DMRT1: variants seen among roughly 807,000 people sequenced by gnomAD.
DMRT1 encodes the protein doublesex- and mab-3-related transcription factor 1.
In DMRT1, 7 loss-of-function variants were observed where a neutral mutation model predicts 32.3. That is an observed-to-expected ratio of 0.22 (90% CI 0.12 to 0.41). The LOEUF (loss-of-function observed/expected upper bound fraction) is 0.41, where lower values mean the gene tolerates loss of function less well. Among genes scored for constraint, DMRT1 ranks in the 10% least tolerant of loss-of-function variants. The pLI is 1.00. For synonymous variants in DMRT1, 278 were observed against 206.1 expected (o/e 1.35, Z -2.99); for missense variants, 625 against 500.5 (o/e 1.25, Z -2.37).
chr9:846,538 C>T (rs764444980), intron 1 of DMRT1, among the ~76,000 whole-genome samples: 1 of 152,066 alleles, frequency 6.6e-6, no homozygotes, highest in Non-Finnish European at 1.5e-5. Flanking sequence ...TCCTGATCCT[C>T]CCTAGCCAAT....
chr9:968,265 C>A lies in DMRT1; in HGVS notation c.*126C>A. The A allele has an allele frequency of 8.3e-7, 1 of 1,210,444 alleles. No individual in the cohort carries two copies. Among genetic ancestry groups the A allele is most frequent in the Non-Finnish European group, 1.2e-6 (1 of 855,366 alleles). The allele number at this position is 1,210,444 out of a possible 1,614,324, so 75.0% of individuals were successfully genotyped here. On this transcript the variant is annotated 3_prime_UTR_variant, in exon 5 of 5. Transcript: ENST00000382276. ...GTTGAGAACGTATTTGGTTTATATT[C>A]CTTAGAGTTTAGTCCAGAGGCTGTA...
intron 4 of DMRT1, among the ~76,000 whole-genome samples, chr9:919,627 G>T (rs1224395692): frequency 2.6e-5 from 4 of 152,140 alleles, no homozygotes; most frequent in Non-Finnish European, 5.9e-5. Context: ...AGTGAGATGG[G>T]GAGCCATAGC....
Position 946,098 on chromosome 9 carries a change from T to C in DMRT1, c.968-21887T>C, listed in dbSNP as rs796156803. Among the ~76,000 whole-genome samples the C allele has an allele frequency of 7.9e-5, 12 of 152,258 alleles. 1 individual carries two copies. Among genetic ancestry groups the C allele is most frequent in the African/African-American group, 2.9e-4 (12 of 41,550 alleles). Reference sequence around the variant, plus strand: ...TGGAGCATGGTTTATTAGTTAATTTTCTTATTTATTGGCAGTCATGTTATT... The same window carrying C: ...TGGAGCATGGTTTATTAGTTAATTTCCTTATTTATTGGCAGTCATGTTATT... On this transcript the variant is annotated intron_variant, in intron 4 of 4. Transcript: ENST00000382276.
chr9:858,600 G>A (rs140700067), intron 2 of DMRT1, among the ~76,000 whole-genome samples: 115 of 152,072 alleles, frequency 7.6e-4, no homozygotes, highest in African/African-American at 2.7e-3. Context: ...TAGGCTGGGC[G>A]CAGTGGCTCA....
intron 4 of DMRT1, among the ~76,000 whole-genome samples, chr9:921,748 C>T (rs1200124428): frequency 1.3e-5 from 2 of 152,182 alleles, no homozygotes; most frequent in African/African-American, 4.8e-5. Flanking sequence ...GGGTTTGGTG[C>T]CACCCACCTG....
intron 4 of DMRT1, among the ~76,000 whole-genome samples, chr9:958,974 G>T (rs557897211): frequency 6.6e-5 from 10 of 152,312 alleles, no homozygotes; most frequent in African/African-American, 2.4e-4. Flanking sequence ...TACCCTTTCA[G>T]ACTGGAGCAT....
In DMRT1 at chr9:938,604, T is replaced by A. The variant is rs143779390; in HGVS notation, c.967+21697T>A. Among the ~76,000 whole-genome samples the A allele has an allele frequency of 3.9e-3, 594 of 152,344 alleles. 2 individuals carry two copies. Among genetic ancestry groups the A allele is most frequent in the African/African-American group, 0.014 (568 of 41,570 alleles). On this transcript the variant is annotated intron_variant, in intron 4 of 4. Coordinates refer to ENST00000382276, the MANE Select transcript of DMRT1 (RefSeq NM_021951.3). The stretch of plus-strand genomic sequence containing the variant: ...CTGATTTTTGTGTGTTGATTTTATA[T>A]CCTGCAACTTTGCTGAATTTATTAG...
In DMRT1 at chr9:968,129, A is replaced by G; in HGVS notation, c.1112A>G (p.Glu371Gly). ...SSFTVTPVIE[E>G]DE ...TTCACAGTCACTCCCGTCATCGAGGAGGACGAGTGAGCAGTGCCTGCTGCC... is the reference window on the plus strand; with the variant it reads ...TTCACAGTCACTCCCGTCATCGAGGGGGACGAGTGAGCAGTGCCTGCTGCC... Residue 371 changes from glutamate (E) to glycine (G), a missense_variant, in exon 5 of 5, where the codon GAG becomes GGG. Glu to Gly is a moderately conservative substitution (Grantham distance 98). Coordinates refer to ENST00000382276, the MANE Select transcript of DMRT1 (RefSeq NM_021951.3). 6.2e-7 allele frequency: 1 copy of G among 1,609,666 alleles called. No individual in the cohort carries two copies.
chr9:940,897 C>T (rs987641886), intron 4 of DMRT1, among the ~76,000 whole-genome samples: 4 of 152,142 alleles, frequency 2.6e-5, no homozygotes, highest in Admixed American at 2.0e-4. Context: ...AGACATTTCT[C>T]CAAAGAAGAT....
chr9:945,449 T>C (rs7869380), intron 4 of DMRT1, among the ~76,000 whole-genome samples: 28,097 of 152,186 alleles, frequency 0.18, 3,676 homozygotes, highest in African/African-American at 0.37. Context: ...AGCCACCGTA[T>C]CTGGCCTGTT....
chr9:871,266 A>G (rs1351464076), intron 2 of DMRT1, among the ~76,000 whole-genome samples: 8 of 150,648 alleles, frequency 5.3e-5, no homozygotes, highest in African/African-American at 9.8e-5. Flanking sequence ...GAGCTCGAGC[A>G]ATTCTCCACC....
At chr9:900,628 GA>G (rs200227666) in intron 3 of DMRT1, among the ~76,000 whole-genome samples, 14 of 143,336 alleles carry the variant, frequency 9.8e-5, no homozygotes, top group African/African-American at 2.6e-4. Context: ...CTCTTAAATT[GA>G]AAAAAAAACA....
chr9:955,048 C>G (rs1819555732), intron 4 of DMRT1, among the ~76,000 whole-genome samples: 1 of 152,180 alleles, frequency 6.6e-6, no homozygotes, highest in Admixed American at 6.5e-5. Context: ...CCTTGTGTGA[C>G]AAAAGAGAAC....
intron 4 of DMRT1, among the ~76,000 whole-genome samples, chr9:967,658 A>G (rs1387493345): frequency 6.6e-6 from 1 of 152,174 alleles, no homozygotes; most frequent in Non-Finnish European, 1.5e-5. Flanking sequence ...CATAAAGGGG[A>G]GGAGTCCGGT....
chr9:890,876 A>G (rs1266041017), intron 2 of DMRT1, among the ~76,000 whole-genome samples: 2 of 151,590 alleles, frequency 1.3e-5, no homozygotes, highest in African/African-American at 4.9e-5. Context: ...CACCATGCCG[A>G]TGTCCGGCTA....
At chr9:923,205 G>T (rs1218058412) in intron 4 of DMRT1, among the ~76,000 whole-genome samples, 1 of 152,212 alleles carries the variant, frequency 6.6e-6, no homozygotes, top group African/African-American at 2.4e-5. Flanking sequence ...TCCCAAGTTT[G>T]CAGGTGAGAA....
chr9:957,960 G>A (rs2129984201), intron 4 of DMRT1, among the ~76,000 whole-genome samples: 1 of 152,322 alleles, frequency 6.6e-6, no homozygotes, highest in South Asian at 2.1e-4. Context: ...CCCGATTGGA[G>A]ATTGTGCCAC....
At chr9:949,090 C>G (rs1363688246) in intron 4 of DMRT1, among the ~76,000 whole-genome samples, 2 of 151,854 alleles carry the variant, frequency 1.3e-5, no homozygotes, top group African/African-American at 4.8e-5. Context: ...GAGACTCCAT[C>G]TTAAAAAACA....
chr9:895,683 T>C (rs1235726257), intron 3 of DMRT1, among the ~76,000 whole-genome samples: 1 of 152,190 alleles, frequency 6.6e-6, no homozygotes, highest in Admixed American at 6.5e-5. Context: ...TTTATGTGTG[T>C]GGTTGATAAC....
Sources: gnomAD v4.1 joint callset for allele counts (sites outside exome capture counted in the v4.1 genomes callset) on GRCh38, gnomAD v4.1.1 for gene constraint, MANE v1.5 for transcripts, NCBI Gene and HGNC (gene_info 2026-07-23, HGNC 2026-07-21) for gene names.